The following LRRC49 variants were observed in gnomAD, a reference collection of about 807,000 sequenced individuals.
The protein encoded by LRRC49 is leucine-rich repeat-containing protein 49.
In LRRC49, 50 loss-of-function variants were observed where a neutral mutation model predicts 83.3. The observed-to-expected ratio is 0.60, with a 90% CI of 0.48 to 0.76. The LOEUF (loss-of-function observed/expected upper bound fraction) is 0.76, where lower values mean the gene tolerates loss of function less well. LRRC49 is among the 30% of genes least tolerant of loss of function. LRRC49 has a pLI of 0.00. For synonymous variants in LRRC49, 286 were observed against 283.3 expected (o/e 1.01, Z -0.10); for missense variants, 704 against 809.1 (o/e 0.87, Z 1.58).
At chr15:71,003,289 A>T (rs1183013755) in intron 11 of LRRC49, among the ~76,000 whole-genome samples, 1 of 152,156 alleles carries the variant, frequency 6.6e-6, no homozygotes, top group Non-Finnish European at 1.5e-5. Flanking sequence ...TTTGGACTTA[A>T]ATTAACCACT....
At chr15:70,855,617 G>A (rs918156271) in intron 1 of LRRC49, among the ~76,000 whole-genome samples, 4 of 152,190 alleles carry the variant, frequency 2.6e-5, no homozygotes, top group African/African-American at 9.6e-5. Flanking sequence ...TCTGGGCAGG[G>A]CTGGGGAGAG....
At chr15:71,046,117 G>T (rs2039848590) in intron 15 of LRRC49, among the ~76,000 whole-genome samples, 1 of 152,102 alleles carries the variant, frequency 6.6e-6, no homozygotes, top group African/African-American at 2.4e-5. Flanking sequence ...ACCTGGGTTG[G>T]TTCTATGTCT....
chr15:70,979,395 A>G lies in LRRC49; in HGVS notation c.922-706A>G, dbSNP rs547502950. On this transcript the variant is annotated intron_variant, in intron 9 of 15. Coordinates refer to ENST00000260382, the MANE Select transcript of LRRC49 (RefSeq NM_017691.5). ...TGTACAGTGTGGTGATTTGATGTGT[A>G]TGATAAAATGATTACCACAATCAAG... Among the ~76,000 whole-genome samples, 137 of 152,130 alleles carry G rather than the reference A, an allele frequency of 9.0e-4. 1 individual carries two copies. The highest frequency in any genetic ancestry group is 3.2e-3 in the African/African-American group (132 of 41,564).
rs111474618 is a variant in LRRC49, at chr15:71,021,671, G to A, written c.1703+8758G>A. On this transcript the variant is annotated intron_variant, in intron 14 of 15. Coordinates refer to ENST00000260382, the MANE Select transcript of LRRC49 (RefSeq NM_017691.5). ...GTAGTCACCTGTGGATTGGATAGGC[G>A]GCTCTGCTGATCAAACCTTGGCTCT... Among the ~76,000 whole-genome samples, 781 of 152,196 alleles carry A rather than the reference G, an allele frequency of 5.1e-3. 6 individuals are homozygous for A. The highest frequency in any genetic ancestry group is 0.018 in the African/African-American group (745 of 41,520).
At chr15:70,939,793 A>G (rs1009268856) in intron 8 of LRRC49, among the ~76,000 whole-genome samples, 3 of 150,670 alleles carry the variant, frequency 2.0e-5, no homozygotes, top group Non-Finnish European at 2.9e-5. Context: ...TAGTAAGACA[A>G]TGTTATTTGG....
At chr15:70,893,513 C>T in intron 1 of LRRC49, 71 bp from the exon 2 acceptor site, 2 of 859,708 alleles carry the variant, frequency 2.3e-6, no homozygotes, top group Non-Finnish European at 3.7e-6. Flanking sequence ...TCTGTTTGTA[C>T]CTTTTTTTTT....
rs543418516 is a variant in LRRC49 at position 70,962,131 on chromosome 15, T to A, written c.774-1654T>A. Among the ~76,000 whole-genome samples, 33 of 152,308 alleles carry A rather than the reference T, an allele frequency of 2.2e-4. No individual in the cohort carries two copies. In the South Asian group the frequency reaches 5.4e-3, roughly 25 times the overall value. ...GGTACACATTAAACATTCTGATACC[T>A]CTATACATACATATTGGAATTGAAT... On this transcript the variant is annotated intron_variant, in intron 8 of 15. Transcript: ENST00000260382.
intron 11 of LRRC49, among the ~76,000 whole-genome samples, chr15:70,997,036 G>C (rs1199417071): frequency 1.3e-5 from 2 of 152,060 alleles, no homozygotes; most frequent in Non-Finnish European, 2.9e-5. Flanking sequence ...TTGCTGGGTG[G>C]GGTTTTCTAT....
rs1190996803 is a variant in LRRC49, at chr15:71,026,176, T to C, written c.1704-11003T>C. Among the ~76,000 whole-genome samples the C allele has an allele frequency of 2.6e-5, 4 of 152,272 alleles. No individual in the cohort carries two copies. The East Asian group carries it at 7.7e-4, about 29-fold the overall frequency. On this transcript the variant is annotated intron_variant, in intron 14 of 15. Coordinates refer to ENST00000260382, the MANE Select transcript of LRRC49 (RefSeq NM_017691.5). ...AGTGAGAACATGCAGTGTTTGGTTT[T>C]CTGCTCCTCTGTTGGTTTGCTGAGA...
At chr15:70,955,124 A>G (rs2036355374) in intron 8 of LRRC49, among the ~76,000 whole-genome samples, 1 of 152,092 alleles carries the variant, frequency 6.6e-6, no homozygotes. Flanking sequence ...GGAGGCCTGG[A>G]ATTTACTTTT....
At chr15:71,037,508 A>G (rs2039561383) in intron 15 of LRRC49, among the ~76,000 whole-genome samples, 176 bp downstream of exon 15, 1 of 152,160 alleles carries the variant, frequency 6.6e-6, no homozygotes. Context: ...GGAGAAATAG[A>G]GCCCTGAGAT....
At chr15:70,890,349 T>C (rs935517706), upstream of LRRC49, among the ~76,000 whole-genome samples, 3 of 152,204 alleles carry the variant, frequency 2.0e-5, no homozygotes, top group African/African-American at 4.8e-5. Flanking sequence ...TCTTGACAGG[T>C]ATACAGCTTG....
chr15:70,862,662 A>C (rs2032821748), intron 1 of LRRC49, among the ~76,000 whole-genome samples: 1 of 151,888 alleles, frequency 6.6e-6, no homozygotes, highest in African/African-American at 2.4e-5. Flanking sequence ...ATCAGGCATT[A>C]TACCTAGCTT....
chr15:71,006,653 T>C (rs997813181), intron 11 of LRRC49, among the ~76,000 whole-genome samples: 1 of 152,152 alleles, frequency 6.6e-6, no homozygotes, highest in African/African-American at 2.4e-5. Context: ...GGCTAGGAGC[T>C]GTACTAGATG....
At chr15:70,909,626 G>T (rs1299391723) in intron 5 of LRRC49, among the ~76,000 whole-genome samples, 1 of 152,052 alleles carries the variant, frequency 6.6e-6, no homozygotes, top group Non-Finnish European at 1.5e-5. Context: ...GGATCACCAC[G>T]TCAAGAGATC....
chr15:70,887,618 TA>T (rs2033445307), upstream of LRRC49, among the ~76,000 whole-genome samples: 1 of 152,118 alleles, frequency 6.6e-6, no homozygotes, highest in South Asian at 2.1e-4. Context: ...AAGAGAGCTA[TA>T]AAAAACTATA....
intron 14 of LRRC49, among the ~76,000 whole-genome samples, chr15:71,018,645 G>A (rs2038902333): frequency 6.6e-6 from 1 of 152,082 alleles, no homozygotes; most frequent in Non-Finnish European, 1.5e-5. Context: ...CACTAGCCAG[G>A]CAATTCAGCA....
intron 8 of LRRC49, among the ~76,000 whole-genome samples, chr15:70,957,784 A>G (rs183456063): frequency 6.6e-6 from 1 of 152,332 alleles, no homozygotes; most frequent in African/African-American, 2.4e-5. Context: ...GTTGGAGGAA[A>G]ACTTAGTGAA....
intron 1 of LRRC49, among the ~76,000 whole-genome samples, chr15:70,856,679 G>A (rs1567026383): frequency 1.3e-5 from 2 of 152,204 alleles, no homozygotes; most frequent in African/African-American, 4.8e-5. Flanking sequence ...TGCACTAGGG[G>A]TATTTCATGG....
Sources: gnomAD v4.1 joint callset for allele counts (sites outside exome capture counted in the v4.1 genomes callset) on GRCh38, gnomAD v4.1.1 for gene constraint, MANE v1.5 for transcripts, NCBI Gene and HGNC (gene_info 2026-07-23, HGNC 2026-07-21) for gene names.